Variants in PDE4D observed in about 807,000 individuals in gnomAD.
PDE4D encodes phosphodiesterase 4D.
PDE4D carries 24 observed loss-of-function variants against 87.4 expected under a neutral mutation model. The observed-to-expected ratio is 0.27, with a 90% CI of 0.20 to 0.39. The LOEUF (loss-of-function observed/expected upper bound fraction) is 0.39. Among genes scored for constraint, PDE4D ranks in the 10% least tolerant of loss-of-function variants. The probability of loss-of-function intolerance (pLI) is 1.00; values close to 1 mark genes in which losing one functional copy is unlikely to be tolerated. For missense variants in PDE4D, 714 were observed against 1,041.0 expected, an observed-to-expected ratio of 0.69 and a Z score of 4.32; for synonymous variants, 384 against 383.2, an observed-to-expected ratio of 1.00 and a Z score of -0.02.
At chr5:59,014,500 A>G (rs1753557357) in intron 6 of PDE4D, among the ~76,000 whole-genome samples, 1 of 152,210 alleles carries the variant, frequency 6.6e-6, no homozygotes, top group Non-Finnish European at 1.5e-5. Flanking sequence ...CTATACACCA[A>G]TAACAGACAA....
chr5:60,466,355 T>C (rs1009700099), intron 1 of PDE4D, among the ~76,000 whole-genome samples: 3 of 152,182 alleles, frequency 2.0e-5, no homozygotes, highest in Non-Finnish European at 2.9e-5. Context: ...GATGCATTCA[T>C]TTAAAAATTA....
chr5:59,516,793 T>G (rs1032867564), intron 1 of PDE4D, among the ~76,000 whole-genome samples: 1 of 152,118 alleles, frequency 6.6e-6, no homozygotes, highest in Non-Finnish European at 1.5e-5. Context: ...TAAAATTAAT[T>G]AAAAAATTAG....
intron 5 of PDE4D, among the ~76,000 whole-genome samples, chr5:59,118,873 A>G (rs1774040928): frequency 6.6e-6 from 1 of 152,220 alleles, no homozygotes; most frequent in Non-Finnish European, 1.5e-5. Flanking sequence ...AACTTAGGCC[A>G]GAGGACTTGG....
intron 1 of PDE4D, among the ~76,000 whole-genome samples, chr5:60,225,928 A>G (rs1268605186): frequency 6.6e-6 from 1 of 152,130 alleles, no homozygotes; most frequent in Non-Finnish European, 1.5e-5. Context: ...TTTAGAGTTC[A>G]TGCTCCTAAC....
chr5:59,906,612 C>A (rs543196969), intron 3 of PDE4D, among the ~76,000 whole-genome samples: 4 of 151,842 alleles, frequency 2.6e-5, no homozygotes, highest in Admixed American at 2.6e-4. Flanking sequence ...ATTTACTAAA[C>A]GAATCTTTAT....
At chr5:59,972,742 A>G (rs986401178) in intron 3 of PDE4D, among the ~76,000 whole-genome samples, 1 of 152,108 alleles carries the variant, frequency 6.6e-6, no homozygotes, top group African/African-American at 2.4e-5. Context: ...GCTCTTAGAG[A>G]CCCCACTAAT....
intron 1 of PDE4D, among the ~76,000 whole-genome samples, chr5:59,661,371 G>A (rs1376867582): frequency 6.6e-6 from 1 of 152,054 alleles, no homozygotes; most frequent in Non-Finnish European, 1.5e-5. Flanking sequence ...TACAGTGGGG[G>A]TGTGTCATTA....
At chr5:59,258,006 C>T (rs968751405) in intron 1 of PDE4D, among the ~76,000 whole-genome samples, 2 of 151,900 alleles carry the variant, frequency 1.3e-5, no homozygotes, top group Non-Finnish European at 2.9e-5. Flanking sequence ...TCACGTTGTC[C>T]AACTTTTCAC....
At chr5:60,201,470 C>A (rs1345542139) in intron 1 of PDE4D, among the ~76,000 whole-genome samples, 1 of 152,010 alleles carries the variant, frequency 6.6e-6, no homozygotes, top group Non-Finnish European at 1.5e-5. Flanking sequence ...AAACATGTTT[C>A]TAAAGAGGAA....
At chr5:60,368,795 G>A (rs1760772408) in intron 1 of PDE4D, among the ~76,000 whole-genome samples, 1 of 151,992 alleles carries the variant, frequency 6.6e-6, no homozygotes, top group Admixed American at 6.6e-5. Flanking sequence ...TCTTCTTCCT[G>A]CTCCATCCAA....
chr5:59,895,294 G>A (rs1484210844), upstream of PDE4D, among the ~76,000 whole-genome samples: 2 of 152,204 alleles, frequency 1.3e-5, no homozygotes, highest in African/African-American at 2.4e-5. Flanking sequence ...AGTGGCAGGA[G>A]AAGGCCTTCA....
intron 2 of PDE4D, among the ~76,000 whole-genome samples, chr5:59,210,643 A>G (rs1243752608): frequency 6.6e-6 from 1 of 152,166 alleles, no homozygotes; most frequent in African/African-American, 2.4e-5. Context: ...GGTATATCAA[A>G]TCTACTCACT....
intron 1 of PDE4D, among the ~76,000 whole-genome samples, chr5:59,268,997 A>C (rs1763324990): frequency 6.6e-6 from 1 of 152,054 alleles, no homozygotes; most frequent in Admixed American, 6.6e-5. Context: ...ACATGATTGG[A>C]ATGATTGACA....
intron 1 of PDE4D, among the ~76,000 whole-genome samples, chr5:59,818,701 T>A (rs1472874473): frequency 1.3e-5 from 2 of 152,172 alleles, no homozygotes; most frequent in African/African-American, 4.8e-5. Flanking sequence ...TTTCTCCTGA[T>A]GGATCTTTCT....
chr5:59,195,014 C>A (rs2021775), intron 2 of PDE4D, among the ~76,000 whole-genome samples: 14,106 of 152,004 alleles, frequency 0.093, 834 homozygotes, highest in Admixed American at 0.15. Flanking sequence ...GTGAGCCCAG[C>A]CCCTCATGTT....
chr5:59,768,881 A>G (rs1196873404), intron 1 of PDE4D, among the ~76,000 whole-genome samples: 1 of 152,190 alleles, frequency 6.6e-6, no homozygotes, highest in Admixed American at 6.5e-5. Flanking sequence ...GCTTATGTAC[A>G]TAAAAAGTCC....
At chr5:60,206,148 C>G (rs1742494721) in intron 1 of PDE4D, among the ~76,000 whole-genome samples, 1 of 152,144 alleles carries the variant, frequency 6.6e-6, no homozygotes, top group Non-Finnish European at 1.5e-5. Flanking sequence ...CTTATCTCAT[C>G]CAAAAGACGG....
intron 1 of PDE4D, among the ~76,000 whole-genome samples, chr5:60,433,782 G>A (rs1486769899): frequency 6.6e-6 from 1 of 152,218 alleles, no homozygotes; most frequent in Non-Finnish European, 1.5e-5. Flanking sequence ...CAACATGTAT[G>A]CGGCTGGAGG....
chr5:59,837,539 A>G (rs183839858), intron 1 of PDE4D, among the ~76,000 whole-genome samples: 13 of 152,168 alleles, frequency 8.5e-5, no homozygotes, highest in Non-Finnish European at 1.8e-4. Context: ...AGTGTTTATT[A>G]TATGACTGAT....
Sources: gnomAD v4.1 joint callset for allele counts (sites outside exome capture counted in the v4.1 genomes callset) on GRCh38, gnomAD v4.1.1 for gene constraint, MANE v1.5 for transcripts, NCBI Gene and HGNC (gene_info 2026-07-23, HGNC 2026-07-21) for gene names.